The following POP1 variants were observed in gnomAD, a reference collection of about 807,000 sequenced individuals.
POP1 encodes the protein POP1 ribonuclease P/MRP subunit, also known as ribonucleases P/MRP protein subunit POP1.
In POP1, 75 loss-of-function variants were observed where a neutral mutation model predicts 102.2. That is an observed-to-expected ratio of 0.73 (90% confidence interval 0.61 to 0.89). The LOEUF is 0.89. Ranked by LOEUF, POP1 falls within the 40% of genes least tolerant of loss-of-function variation. POP1 has a pLI of 0.00. For missense variants in POP1, 1,116 were observed against 1,267.4 expected (o/e 0.88, Z 1.81); for synonymous variants, 436 against 464.1 (o/e 0.94, Z 0.78).
At chr8:98,130,548 AG>A (rs1243414853) in intron 5 of POP1, among the ~76,000 whole-genome samples, 4 of 5,830 alleles carry the variant, frequency 6.9e-4, no homozygotes, top group African/African-American at 2.0e-3. Flanking sequence ...ATAAGATGGG[AG>A]GAGAGGGGGA....
chr8:98,149,026 T>C lies in POP1; in HGVS notation c.1902+20T>C. 6.3e-7 allele frequency: 1 copy of C among 1,593,934 alleles called. No homozygotes were observed. Among genetic ancestry groups the C allele is most frequent in the East Asian group, 2.2e-5 (1 of 44,630 alleles). On this transcript the variant is annotated intron_variant, in intron 13 of 15. Coordinates refer to ENST00000401707, the MANE Select transcript of POP1 (RefSeq NM_001145860.2). ...CCATTTGTAAGTTACTTTTTGATTC[T>C]AACAGTTGCAATATTTAAAATACAT...
At position 98,130,208 on chromosome 8, in the gene POP1, G is replaced by A. The variant is rs745835126; in HGVS notation, c.717G>A (p.Thr239=). The change falls in exon 5 of 16, where the codon ACG becomes ACA. Residue 239 remains threonine, a synonymous_variant. Transcript: ENST00000401707. ...ACAGAGCCTGCTATCGAGCCATGAC[G>A]AACCGGTGCCTCCTGCAGGTGAGCT... is the stretch of plus-strand genomic sequence containing the variant. ...KSHRACYRAM[T]NRCLLQDLSY... 15 of 1,614,092 alleles carry A rather than the reference G, an allele frequency of 9.3e-6. No homozygotes were observed. Among genetic ancestry groups the A allele is most frequent in the Admixed American group, 3.3e-5 (2 of 59,994 alleles).
rs144135573 is a variant in POP1, at chr8:98,134,511, G to A, written c.863G>A (p.Arg288His). The change falls in exon 7 of 16, where the codon CGC (arginine) becomes CAC (histidine). Residue 288 changes from arginine to histidine, a missense_variant. By Grantham distance (29) the Arg-to-His change is conservative (BLOSUM62 0). Coordinates refer to ENST00000401707, the MANE Select transcript of POP1 (RefSeq NM_001145860.2). ...FAAVHCLSGK[R>H]QGSLVLYRVN... is the part of the protein sequence containing the mutation. ...GCAGTTCACTGCTTGTCTGGAAAGC[G>A]CCAAGGGAGCCTTGTGCTTTATCGG... is the stretch of plus-strand genomic sequence containing the variant. The A allele has an allele frequency of 2.5e-5, 41 of 1,614,046 alleles. No individual in the cohort carries two copies. Among genetic ancestry groups the A allele is most frequent in the Admixed American group, 3.3e-5 (2 of 59,994 alleles).
chr8:98,128,626 A>G (rs988366619), intron 4 of POP1, 86 bp downstream of exon 4: 28 of 1,478,228 alleles, frequency 1.9e-5, no homozygotes, highest in Non-Finnish European at 4.6e-6. Flanking sequence ...TTTATTAAAA[A>G]TGAAAACCAA....
chr8:98,149,624 G>A (rs1342896710), intron 13 of POP1, among the ~76,000 whole-genome samples: 1 of 152,054 alleles, frequency 6.6e-6, no homozygotes, highest in African/African-American at 2.4e-5. Flanking sequence ...GGGTGTGGTG[G>A]TGCATACCTG....
rs1815865584 is a variant in POP1, at chr8:98,117,328, T to C, written c.-65T>C. The C allele has an allele frequency of 1.8e-6, 1 of 569,630 alleles. No individual in the cohort carries two copies. Among genetic ancestry groups the C allele is most frequent in the Non-Finnish European group, 3.1e-6 (1 of 318,932 alleles). The allele number at this position is 569,630 out of a possible 1,614,324, so 35.3% of individuals were successfully genotyped here. ...CAGCGCGCTCTCCAGGAGCTTTGGC[T>C]CGGTGGGTACTGTCGCGGAGGCTTG... On this transcript the variant is annotated 5_prime_UTR_variant, in exon 1 of 16. Transcript: ENST00000401707.
At chr8:98,151,125 G>A (rs1809502974) in intron 14 of POP1, among the ~76,000 whole-genome samples, 2 of 151,290 alleles carry the variant, frequency 1.3e-5, no homozygotes, top group African/African-American at 4.9e-5. Flanking sequence ...TTGCTCTGTT[G>A]CCCAGGCTGT....
chr8:98,158,332 C>A lies in POP1; in HGVS notation c.*61C>A. The A allele has an allele frequency of 6.4e-7, 1 of 1,563,508 alleles. No homozygotes were observed. The highest frequency in any genetic ancestry group is 8.7e-7 in the Non-Finnish European group (1 of 1,149,680). On this transcript the variant is annotated 3_prime_UTR_variant, in exon 16 of 16. Transcript: ENST00000401707. ...CGTTATTATTGTCTGCCAAGTTCTA[C>A]ATGTGGAGAATCTGCTTCTGCTTTA...
rs747984872 is a variant in POP1 at position 98,153,533 on chromosome 8, C to CTTTTTTTTTT, written c.2058-2503_2058-2494dup. Among the ~76,000 whole-genome samples the CTTTTTTTTTT allele has an allele frequency of 6.4e-3, 545 of 85,436 alleles. 66 individuals are homozygous for CTTTTTTTTTT. The highest frequency in any genetic ancestry group is 0.013 in the African/African-American group (276 of 20,894). The allele number at this position is 85,436 out of a possible 152,430, so 56.0% of individuals were successfully genotyped here. On this transcript the variant is annotated intron_variant, in intron 14 of 15. Coordinates refer to ENST00000401707, the MANE Select transcript of POP1 (RefSeq NM_001145860.2). ...ACTAGATTTACAAACAGTTCTGACTCTTTTTTTTTTTTTTTTTTTTTTTGA... is the reference window on the plus strand; with the variant it reads ...ACTAGATTTACAAACAGTTCTGACTCTTTTTTTTTTTTTTTTTTTTTTTTTTTTTTTTTGA...
rs190564518 is a variant in POP1 at position 98,136,185 on chromosome 8, A to G, written c.1012-297A>G. Among the ~76,000 whole-genome samples, 196 of 152,016 alleles carry G rather than the reference A, an allele frequency of 1.3e-3. 2 individuals are homozygous for G. Among genetic ancestry groups the G allele is most frequent in the African/African-American group, 4.4e-3 (182 of 41,436 alleles). The stretch of plus-strand genomic sequence containing the variant: ...AACCTCTGCCTCCCAGGTTCAAGTG[A>G]TTCTCCTGCCTTAGCCTCCTGAGTA... On this transcript the variant is annotated intron_variant, in intron 7 of 15. Transcript: ENST00000401707.
intron 14 of POP1, among the ~76,000 whole-genome samples, chr8:98,154,665 G>A (rs1043297499): frequency 6.6e-6 from 1 of 152,194 alleles, no homozygotes; most frequent in Non-Finnish European, 1.5e-5. Flanking sequence ...AAGAGTCATA[G>A]TGGTGCAGGG....
intron 5 of POP1, among the ~76,000 whole-genome samples, chr8:98,132,330 G>A (rs776308969): frequency 1.8e-4 from 28 of 152,144 alleles, no homozygotes; most frequent in Admixed American, 5.2e-4. Flanking sequence ...TCAGATTTGA[G>A]CCCAGTTGCC....
chr8:98,130,166 G>A lies in POP1; in HGVS notation c.675G>A (p.Arg225=), dbSNP rs1816340386. ...AGTGGGGCTACTGCCTTGGGGAGAG[G>A]CCAACAGTCAAGAGCCACAGAGCCT... is the stretch of plus-strand genomic sequence containing the variant. ...VKKWGYCLGE[R]PTVKSHRACY... is the part of the protein sequence containing the mutation. Residue 225 remains arginine, a synonymous_variant, in exon 5 of 16, where the codon AGG becomes AGA. Transcript: ENST00000401707. The A allele has an allele frequency of 1.9e-6, 3 of 1,614,136 alleles. No homozygotes were observed. Among genetic ancestry groups the A allele is most frequent in the Non-Finnish European group, 2.5e-6 (3 of 1,180,032 alleles).
chr8:98,136,412 A>AC, intron 7 of POP1, 70 bp from the exon 8 acceptor site: 1 of 1,476,456 alleles, frequency 6.8e-7, no homozygotes, highest in Non-Finnish European at 9.1e-7. Flanking sequence ...AAAAAAAAAA[A>AC]CCCAACTAAA....
chr8:98,146,766 A>G (rs1816855939), intron 12 of POP1, 83 bp downstream of exon 12: 4 of 1,059,006 alleles, frequency 3.8e-6, no homozygotes, highest in Non-Finnish European at 5.9e-6. Flanking sequence ...AAAGTTATTC[A>G]TACTTCATAG....
At chr8:98,148,282 C>G (rs770123961) in intron 12 of POP1, among the ~76,000 whole-genome samples, 11 of 152,156 alleles carry the variant, frequency 7.2e-5, no homozygotes, top group Non-Finnish European at 1.5e-4. Context: ...TGATAGCCCT[C>G]TTACCTACCT....
chr8:98,121,210 A>G (rs939451729), intron 1 of POP1, among the ~76,000 whole-genome samples: 2 of 152,246 alleles, frequency 1.3e-5, no homozygotes, highest in Non-Finnish European at 2.9e-5. Context: ...ACATCTTTCA[A>G]ACTCCATAGT....
chr8:98,143,775 T>C (rs887700113), intron 11 of POP1, among the ~76,000 whole-genome samples: 1 of 152,200 alleles, frequency 6.6e-6, no homozygotes, highest in African/African-American at 2.4e-5. Flanking sequence ...TAGTTTTGTG[T>C]TTTTTAGAAT....
intron 11 of POP1, among the ~76,000 whole-genome samples, chr8:98,144,721 C>T (rs1395071573): frequency 6.6e-6 from 1 of 152,136 alleles, no homozygotes; most frequent in Non-Finnish European, 1.5e-5. Flanking sequence ...CAGTGCTCCA[C>T]AGGAAAGCAC....
Sources: allele counts gnomAD v4.1 joint callset (sites outside exome capture counted in the v4.1 genomes callset), GRCh38; gene constraint gnomAD v4.1.1; transcripts MANE v1.5; gene names NCBI Gene and HGNC (gene_info 2026-07-23, HGNC 2026-07-21).